Variants in CAST observed in about 807,000 individuals in gnomAD.
CAST encodes calpastatin, also known as MIR583 host.
Under a neutral mutation model 119.6 loss-of-function variants are expected in CAST, and 76 were observed. The observed-to-expected ratio is 0.64, with a 90% CI of 0.53 to 0.77. The LOEUF is 0.77. CAST is among the 30% of genes least tolerant of loss of function. The pLI is 0.00. For missense variants in CAST, 953 were observed against 946.5 expected, an observed-to-expected ratio of 1.01 and a Z score of -0.09; for synonymous variants, 319 against 331.6, an observed-to-expected ratio of 0.96 and a Z score of 0.41.
At chr5:96,734,295 G>A (rs1266503132) in intron 9 of CAST, among the ~76,000 whole-genome samples, 2 of 152,192 alleles carry the variant, frequency 1.3e-5, no homozygotes, top group African/African-American at 2.4e-5. Flanking sequence ...AGCTGACAGC[G>A]GGTAGCCTTT....
the CAST span, among the ~76,000 whole-genome samples, chr5:96,062,271 T>G: frequency 2.6e-3 from 403 of 152,174 alleles, no homozygotes; most frequent in African/African-American, 9.1e-3. Flanking sequence ...ACTGCCTGTC[T>G]AGTAGAGTGA....
At chr5:96,496,673 T>A in the CAST span, among the ~76,000 whole-genome samples, 2 of 152,220 alleles carry the variant, frequency 1.3e-5, no homozygotes, top group Non-Finnish European at 2.9e-5. Flanking sequence ...AACTTCTGCT[T>A]ATACAGCACT....
At chr5:96,355,658 A>C in the CAST span, among the ~76,000 whole-genome samples, 1 of 151,942 alleles carries the variant, frequency 6.6e-6, no homozygotes, top group Non-Finnish European at 1.5e-5. Flanking sequence ...GTGTAAAAGC[A>C]TTGCTATTTC....
Position 96,730,783 on chromosome 5 carries a change from A to G in CAST, c.553A>G (p.Lys185Glu), listed in dbSNP as rs748336452. The G allele has an allele frequency of 6.2e-7, 1 of 1,611,908 alleles. No homozygotes were observed. The highest frequency in any genetic ancestry group is 2.2e-5 in the East Asian group (1 of 44,888). The part of the protein sequence containing the change: ...PSEKSTEPKT[K>E]PQDMISAGGE... ...CCTTTTATCCTCACTGTCTTAGACTAAACCACAAGACATGATTTCTGCTGG... is the reference window on the plus strand; with the variant it reads ...CCTTTTATCCTCACTGTCTTAGACTGAACCACAAGACATGATTTCTGCTGG... Residue 185 changes from lysine to glutamate, a missense_variant, in exon 9 of 32, where the codon AAA becomes GAA. By Grantham distance (56) the Lys-to-Glu change is moderately conservative. Transcript: ENST00000675179.
the CAST span, among the ~76,000 whole-genome samples, chr5:96,031,747 T>C: frequency 1.3e-5 from 2 of 152,162 alleles, no homozygotes; most frequent in African/African-American, 4.8e-5. Flanking sequence ...ATCTGTATGA[T>C]AGAAACCTAT....
intron 1 of CAST, among the ~76,000 whole-genome samples, chr5:96,532,955 G>T (rs1271319360): frequency 6.6e-6 from 1 of 151,882 alleles, no homozygotes; most frequent in Non-Finnish European, 1.5e-5. Flanking sequence ...AGCCTGGAAG[G>T]TTGAGGCTGC....
chr5:96,480,075 T>C, the CAST span, among the ~76,000 whole-genome samples: 1 of 152,096 alleles, frequency 6.6e-6, no homozygotes, highest in Non-Finnish European at 1.5e-5. Context: ...TTGCATTTAA[T>C]CCTAAGAGCT....
chr5:96,267,397 G>A, the CAST span, among the ~76,000 whole-genome samples: 1 of 152,114 alleles, frequency 6.6e-6, no homozygotes, highest in Admixed American at 6.5e-5. Context: ...TTTCAAAAAT[G>A]AAGGACAGAG....
At chr5:96,405,888 T>C in the CAST span, among the ~76,000 whole-genome samples, 7 of 152,210 alleles carry the variant, frequency 4.6e-5, no homozygotes, top group African/African-American at 1.7e-4. Context: ...TTTACATGCA[T>C]CTGACAGGTG....
At chr5:96,369,171 C>T in the CAST span, among the ~76,000 whole-genome samples, 1 of 151,292 alleles carries the variant, frequency 6.6e-6, no homozygotes, top group Non-Finnish European at 1.5e-5. Context: ...TCTGATTTCT[C>T]GTATATTTAT....
At chr5:96,155,237 T>G in the CAST span, among the ~76,000 whole-genome samples, 3 of 152,174 alleles carry the variant, frequency 2.0e-5, no homozygotes, top group Admixed American at 6.5e-5. Flanking sequence ...TGACAATTCC[T>G]TATAATAAGA....
the CAST span, among the ~76,000 whole-genome samples, chr5:96,217,092 G>A: frequency 1.3e-5 from 2 of 151,844 alleles, no homozygotes. Flanking sequence ...AAGGTGGAGT[G>A]CAGTGGTGCA....
chr5:96,685,095 A>T (rs152007), intron 2 of CAST, among the ~76,000 whole-genome samples: 1 of 151,606 alleles, frequency 6.6e-6, no homozygotes, highest in Non-Finnish European at 1.5e-5. Flanking sequence ...CAATAATAAT[A>T]TACCCTTCAT....
chr5:96,042,110 G>C, the CAST span, among the ~76,000 whole-genome samples: 1 of 152,142 alleles, frequency 6.6e-6, no homozygotes, highest in Non-Finnish European at 1.5e-5. Flanking sequence ...GGAACTTGGA[G>C]GTGCCAGGGC....
At chr5:96,053,319 A>C in the CAST span, among the ~76,000 whole-genome samples, 1 of 152,218 alleles carries the variant, frequency 6.6e-6, no homozygotes, top group Admixed American at 6.5e-5. Flanking sequence ...GTTGAGAGCC[A>C]TTGGTTTAAT....
chr5:96,241,386 G>A, the CAST span, among the ~76,000 whole-genome samples: 7 of 151,986 alleles, frequency 4.6e-5, no homozygotes, highest in South Asian at 2.1e-4. Flanking sequence ...TACAAAGGAC[G>A]TGAACTCATC....
At chr5:96,393,788 G>A in the CAST span, among the ~76,000 whole-genome samples, 2 of 152,200 alleles carry the variant, frequency 1.3e-5, no homozygotes, top group African/African-American at 4.8e-5. Context: ...GGTTGCGGTA[G>A]CATGGGTGTG....
chr5:96,025,425 C>T, the CAST span, among the ~76,000 whole-genome samples: 3 of 152,156 alleles, frequency 2.0e-5, no homozygotes, highest in Non-Finnish European at 4.4e-5. Context: ...AAAGACTCCA[C>T]CCCCAATACC....
At chr5:96,523,503 C>T (rs780415773), upstream of CAST, among the ~76,000 whole-genome samples, 23 of 152,196 alleles carry the variant, frequency 1.5e-4, no homozygotes, top group Middle Eastern at 3.2e-3. Flanking sequence ...CTTGTGTGCC[C>T]GACTCTCTCT....
Sources: allele counts gnomAD v4.1 joint callset (sites outside exome capture counted in the v4.1 genomes callset), GRCh38; gene constraint gnomAD v4.1.1; transcripts MANE v1.5; gene names NCBI Gene and HGNC (gene_info 2026-07-23, HGNC 2026-07-21).